The following PIWIL4 variants were observed in gnomAD, a reference collection of about 807,000 sequenced individuals.
PIWIL4 encodes the protein piwi like RNA-mediated gene silencing 4.
In PIWIL4, 50 loss-of-function variants were observed where a neutral mutation model predicts 100.9. The observed-to-expected ratio is 0.50, with a 90% confidence interval of 0.39 to 0.63. The LOEUF is 0.63. Among genes scored for constraint, PIWIL4 ranks in the 20% least tolerant of loss-of-function variants. The pLI is 0.00. For missense variants in PIWIL4, 887 were observed against 1,043.3 expected (o/e 0.85, Z 2.06); for synonymous variants, 342 against 367.5 (o/e 0.93, Z 0.79).
intron 12 of PIWIL4, among the ~76,000 whole-genome samples, chr11:94,602,182 C>T (rs1456712911): frequency 6.6e-6 from 1 of 152,170 alleles, no homozygotes; most frequent in Admixed American, 6.5e-5. Flanking sequence ...CTTTGTAAAA[C>T]TTGTACCCAG....
rs1055968282 is a variant in PIWIL4, at chr11:94,567,665, A to G, written c.87+60A>G. On this transcript the variant is annotated intron_variant, in intron 1 of 19. Transcript: ENST00000299001. ...TCTCCTACCTCTGTCTCTAGCCTGAACAATGCCTTCCTCTGCATGTATCTC... is the reference window on the plus strand; with the variant it reads ...TCTCCTACCTCTGTCTCTAGCCTGAGCAATGCCTTCCTCTGCATGTATCTC... 56 of 1,473,894 alleles carry G rather than the reference A, an allele frequency of 3.8e-5. No individual in the cohort carries two copies. In the African/African-American group the frequency reaches 6.8e-4, roughly 18 times the overall value. The allele number at this position is 1,473,894 out of a possible 1,614,324, so 91.3% of individuals were successfully genotyped here.
chr11:94,599,790 T>TA (rs1401055769), intron 11 of PIWIL4, among the ~76,000 whole-genome samples: 1 of 152,240 alleles, frequency 6.6e-6, no homozygotes, highest in East Asian at 1.9e-4. Flanking sequence ...AGTGGTTTCA[T>TA]AACCTCTCAG....
chr11:94,570,918 CAA>C (rs202046230), intron 2 of PIWIL4, among the ~76,000 whole-genome samples: 1 of 151,554 alleles, frequency 6.6e-6, no homozygotes, highest in East Asian at 1.9e-4. Context: ...AACAAACAAA[CAA>C]AAAAAACAAT....
At chr11:94,598,706 T>C (rs1948593593) in intron 11 of PIWIL4, among the ~76,000 whole-genome samples, 1 of 42,044 alleles carries the variant, frequency 2.4e-5, no homozygotes, top group Non-Finnish European at 4.3e-5. Context: ...TTTTTCCATC[T>C]TTTTTTTTTT....
chr11:94,590,812 C>T (rs903137090), intron 8 of PIWIL4, among the ~76,000 whole-genome samples: 1 of 152,152 alleles, frequency 6.6e-6, no homozygotes, highest in Non-Finnish European at 1.5e-5. Flanking sequence ...GGATCCCCTC[C>T]CACTACCGTC....
At chr11:94,593,662 C>T (rs748563763) in intron 9 of PIWIL4, 21 bp downstream of exon 9, 1 of 1,611,390 alleles carries the variant, frequency 6.2e-7, no homozygotes. Flanking sequence ...TGTTTTATAC[C>T]TCTGTCAGGC....
chr11:94,595,118 C>T (rs1444192041), intron 9 of PIWIL4, among the ~76,000 whole-genome samples, 191 bp from the exon 10 acceptor site: 1 of 152,128 alleles, frequency 6.6e-6, no homozygotes, highest in Non-Finnish European at 1.5e-5. Flanking sequence ...AAAGTAATTT[C>T]GTCTGTTTCT....
chr11:94,619,334 G>A (rs977088026), intron 17 of PIWIL4, among the ~76,000 whole-genome samples: 8 of 152,204 alleles, frequency 5.3e-5, no homozygotes, highest in African/African-American at 1.9e-4. Context: ...GGGATGACAA[G>A]AGGAATAGGA....
rs758423897 is a variant in PIWIL4 at position 94,593,608 on chromosome 11, G to A, written c.1117G>A (p.Ala373Thr). 11 of 1,613,762 alleles carry A rather than the reference G, an allele frequency of 6.8e-6. No homozygotes were observed. Among genetic ancestry groups the A allele is most frequent in the African/African-American group, 5.3e-5 (4 of 74,902 alleles). Reference sequence around the variant, plus strand: ...AAATGACAACAGTGAGGCTCAGCTCGCCCACCTGATACCTGAGCTCTGCTT... The same window carrying A: ...AAATGACAACAGTGAGGCTCAGCTCACCCACCTGATACCTGAGCTCTGCTT... The part of the protein sequence containing the change: ...KRNDNSEAQL[A>T]HLIPELCFLT... The change falls in exon 9 of 20, where the codon GCC (alanine) becomes ACC (threonine). Residue 373 changes from alanine (A) to threonine (T), a missense_variant. Ala to Thr is a moderately conservative substitution (Grantham distance 58). This residue lies in a region of PIWIL4 where 741 missense variants were observed against 930.0 expected (regional missense o/e 0.80). Coordinates refer to ENST00000299001, the MANE Select transcript of PIWIL4 (RefSeq NM_152431.3).
chr11:94,608,837 A>G (rs1438055799), intron 15 of PIWIL4, 151 bp downstream of exon 15: 2 of 696,890 alleles, frequency 2.9e-6, no homozygotes, highest in Non-Finnish European at 4.9e-6. Flanking sequence ...ACATATAAAA[A>G]TGTGATTGAT....
At chr11:94,617,402 T>C (rs950995554) in intron 16 of PIWIL4, among the ~76,000 whole-genome samples, 1 of 152,148 alleles carries the variant, frequency 6.6e-6, no homozygotes, top group African/African-American at 2.4e-5. Context: ...GCAGTTACTC[T>C]ATGGTCCCTG....
At chr11:94,596,674 T>C (rs1948563333) in intron 10 of PIWIL4, among the ~76,000 whole-genome samples, 1 of 152,218 alleles carries the variant, frequency 6.6e-6, no homozygotes, top group African/African-American at 2.4e-5. Context: ...GAATTCCTGG[T>C]TCGTTTCCCT....
chr11:94,582,858 C>T (rs1032676659), intron 4 of PIWIL4, among the ~76,000 whole-genome samples: 1 of 152,098 alleles, frequency 6.6e-6, no homozygotes, highest in African/African-American at 2.4e-5. Flanking sequence ...TTTATCCTCT[C>T]TCCTTTCTTT....
chr11:94,612,958 G>GATATTTTAAAT (rs1326928895), intron 15 of PIWIL4, among the ~76,000 whole-genome samples: 1 of 151,994 alleles, frequency 6.6e-6, no homozygotes, highest in Non-Finnish European at 1.5e-5. Flanking sequence ...AAAATACTTT[G>GATATTTTAAAT]ATCTTTTATC....
At chr11:94,586,738 C>G (rs1160443655) in intron 6 of PIWIL4, among the ~76,000 whole-genome samples, 1 of 152,088 alleles carries the variant, frequency 6.6e-6, no homozygotes, top group African/African-American at 2.4e-5. Flanking sequence ...TGGGTAGAGG[C>G]CAGGGAAATG....
At chr11:94,620,264 G>A (rs940364128) in intron 19 of PIWIL4, 120 bp downstream of exon 19, 2 of 1,109,758 alleles carry the variant, frequency 1.8e-6, no homozygotes, top group Admixed American at 2.9e-5. Context: ...TCCTAAAGAA[G>A]GAATGAATGA....
At chr11:94,617,107 C>T (rs574649023) in intron 16 of PIWIL4, among the ~76,000 whole-genome samples, 14 of 152,266 alleles carry the variant, frequency 9.2e-5, no homozygotes, top group South Asian at 4.1e-4. Flanking sequence ...ACAAACCCTT[C>T]CCTCTCCTGA....
intron 14 of PIWIL4, among the ~76,000 whole-genome samples, chr11:94,607,942 G>A (rs527806551): frequency 6.6e-6 from 1 of 152,248 alleles, no homozygotes; most frequent in African/African-American, 2.4e-5. Context: ...TGCTAACTCT[G>A]AGAATAGCCT....
chr11:94,600,152 C>T (rs1391995601), intron 11 of PIWIL4, among the ~76,000 whole-genome samples: 1 of 152,138 alleles, frequency 6.6e-6, no homozygotes. Context: ...GCGCAGGAAA[C>T]CTGTTTTTCC....
Sources: allele counts gnomAD v4.1 joint callset (sites outside exome capture counted in the v4.1 genomes callset), GRCh38; gene constraint gnomAD v4.1.1; regional missense constraint gnomAD v4.1.1; transcripts MANE v1.5; gene names NCBI Gene and HGNC (gene_info 2026-07-23, HGNC 2026-07-21).